Variants in NIBAN1 observed in about 807,000 individuals in gnomAD.
The protein encoded by NIBAN1 is niban apoptosis regulator 1, also known as protein Niban 1.
In NIBAN1, 81 loss-of-function variants were observed where a neutral mutation model predicts 75.1. That is an observed-to-expected ratio of 1.08 (90% CI 0.90 to 1.30). The LOEUF is 1.30. NIBAN1 is among the 50% of genes most tolerant of loss of function. The pLI, the probability that NIBAN1 is intolerant of heterozygous loss-of-function variation, is 0.00. For synonymous variants in NIBAN1, 436 were observed against 424.8 expected (o/e 1.03, Z -0.32); for missense variants, 1,133 against 1,128.1 (o/e 1.00, Z -0.06).
chr1:184,877,198 G>A (rs1458441472), intron 5 of NIBAN1, among the ~76,000 whole-genome samples: 1 of 152,148 alleles, frequency 6.6e-6, no homozygotes, highest in African/African-American at 2.4e-5. Flanking sequence ...GCAATAACAT[G>A]GATGAAGCAC....
intron 6 of NIBAN1, among the ~76,000 whole-genome samples, chr1:184,824,138 G>T (rs1227977866): frequency 2.0e-5 from 3 of 152,190 alleles, no homozygotes; most frequent in African/African-American, 7.2e-5. Flanking sequence ...TTGGTGGCTT[G>T]CATCTTAGTC....
intron 5 of NIBAN1, among the ~76,000 whole-genome samples, chr1:184,876,424 A>T (rs1225528582): frequency 6.6e-6 from 1 of 152,104 alleles, no homozygotes; most frequent in Non-Finnish European, 1.5e-5. Flanking sequence ...GGGGCCGGGC[A>T]TGGTGGCTAA....
intron 9 of NIBAN1, among the ~76,000 whole-genome samples, chr1:184,812,107 C>T (rs1389019938): frequency 6.6e-6 from 1 of 152,186 alleles, no homozygotes; most frequent in East Asian, 1.9e-4. Context: ...CCTCCCTGAG[C>T]TCTTCACCTT....
chr1:184,926,901 G>T (rs896335769), intron 1 of NIBAN1, among the ~76,000 whole-genome samples: 1 of 151,910 alleles, frequency 6.6e-6, no homozygotes, highest in Middle Eastern at 3.4e-3. Flanking sequence ...CTTCAAGTTC[G>T]CTAATTCTTT....
intron 1 of NIBAN1, among the ~76,000 whole-genome samples, chr1:184,929,750 G>T (rs528903534): frequency 7.2e-5 from 11 of 152,156 alleles, no homozygotes; most frequent in East Asian, 3.9e-4. Flanking sequence ...CTAGCTAATT[G>T]CATCAGCTCC....
At chr1:184,879,283 C>A (rs113113162) in intron 5 of NIBAN1, among the ~76,000 whole-genome samples, 1,988 of 152,208 alleles carry the variant, frequency 0.013, 48 homozygotes, top group African/African-American at 0.046. Flanking sequence ...TTGTATTCTT[C>A]CTTATCTATC....
At chr1:184,871,887 C>T (rs1286303352) in intron 5 of NIBAN1, among the ~76,000 whole-genome samples, 1 of 152,098 alleles carries the variant, frequency 6.6e-6, no homozygotes, top group Non-Finnish European at 1.5e-5. Flanking sequence ...AGAAGGATGT[C>T]CCCACAATCT....
intron 9 of NIBAN1, among the ~76,000 whole-genome samples, chr1:184,811,602 C>T (rs1654381793): frequency 6.6e-6 from 1 of 150,918 alleles, no homozygotes; most frequent in South Asian, 2.1e-4. Context: ...CTCCTGGGTT[C>T]ATGCCATTCT....
intron 6 of NIBAN1, among the ~76,000 whole-genome samples, chr1:184,830,373 T>C (rs1654964235): frequency 6.6e-6 from 1 of 152,202 alleles, no homozygotes; most frequent in Non-Finnish European, 1.5e-5. Context: ...AACTATTTAG[T>C]TCTCTCACAC....
intron 5 of NIBAN1, among the ~76,000 whole-genome samples, chr1:184,838,173 C>G (rs1655188351): frequency 6.6e-6 from 1 of 152,132 alleles, no homozygotes; most frequent in South Asian, 2.1e-4. Flanking sequence ...CAATATAAGC[C>G]TCTCCTAGCC....
intron 1 of NIBAN1, among the ~76,000 whole-genome samples, chr1:184,931,003 T>TC (rs1553229155): frequency 1.4e-4 from 20 of 142,116 alleles, no homozygotes; most frequent in African/African-American, 4.1e-4. Flanking sequence ...TCTTCTTTTT[T>TC]TTTTTTTTTT....
intron 6 of NIBAN1, among the ~76,000 whole-genome samples, chr1:184,828,776 C>A (rs1654914721): frequency 6.6e-6 from 1 of 151,746 alleles, no homozygotes; most frequent in African/African-American, 2.4e-5. Context: ...TGTTATTTTA[C>A]CAAAACACTT....
intron 1 of NIBAN1, among the ~76,000 whole-genome samples, chr1:184,930,962 G>A (rs938578859): frequency 2.0e-5 from 3 of 149,818 alleles, no homozygotes; most frequent in African/African-American, 4.9e-5. Flanking sequence ...TAAAAAGAGC[G>A]TGTTTCATTG....
At chr1:184,809,755 G>A (rs560547449) in intron 9 of NIBAN1, among the ~76,000 whole-genome samples, 1 of 151,890 alleles carries the variant, frequency 6.6e-6, no homozygotes, top group South Asian at 2.1e-4. Context: ...ATATTGAGAT[G>A]AATGAATAAA....
intron 1 of NIBAN1, among the ~76,000 whole-genome samples, chr1:184,961,998 A>G (rs778362680): frequency 6.6e-6 from 1 of 152,236 alleles, no homozygotes; most frequent in Non-Finnish European, 1.5e-5. Flanking sequence ...AATTAATCCT[A>G]TCTTCATACT....
Position 184,823,760 on chromosome 1 carries a change from G to A in NIBAN1, c.718-18C>T, listed in dbSNP as rs372313046. The A allele has an allele frequency of 2.2e-5, 36 of 1,610,320 alleles. No homozygotes were observed. The highest frequency in any genetic ancestry group is 1.1e-5 in the South Asian group (1 of 90,994). On this transcript the variant is annotated intron_variant, in intron 6 of 13. Coordinates refer to ENST00000367511, the MANE Select transcript of NIBAN1 (RefSeq NM_052966.4). ...CTCAGGATCTGCGCAGCAGAAGACA[G>A]CCCAGAGTCGGTCAGTCGGTGATGG...
intron 1 of NIBAN1, among the ~76,000 whole-genome samples, chr1:184,957,326 T>A (rs973460534): frequency 6.6e-6 from 1 of 152,186 alleles, no homozygotes; most frequent in African/African-American, 2.4e-5. Context: ...AAACCCTGCG[T>A]CCGACTCTTT....
chr1:184,883,595 T>A (rs1466112528), intron 5 of NIBAN1, among the ~76,000 whole-genome samples: 1 of 152,202 alleles, frequency 6.6e-6, no homozygotes, highest in African/African-American at 2.4e-5. Flanking sequence ...ACTATTGATG[T>A]CACATTGCTT....
chr1:184,962,388 TTGA>T (rs1242187122), intron 1 of NIBAN1, among the ~76,000 whole-genome samples: 1 of 152,176 alleles, frequency 6.6e-6, no homozygotes, highest in Non-Finnish European at 1.5e-5. Context: ...CCTAGTGCCT[TTGA>T]GAACCATGAT....
Sources: gnomAD v4.1 joint callset for allele counts (sites outside exome capture counted in the v4.1 genomes callset) on GRCh38, gnomAD v4.1.1 for gene constraint, MANE v1.5 for transcripts, NCBI Gene and HGNC (gene_info 2026-07-23, HGNC 2026-07-21) for gene names.